Variants in ZNF800 observed in about 807,000 individuals in gnomAD.
ZNF800 encodes the protein zinc finger protein 800.
In ZNF800, 13 loss-of-function variants were observed where a neutral mutation model predicts 59.5. The ratio of observed to expected loss-of-function variants is 0.22; its 90% CI spans 0.14 to 0.35. The LOEUF is 0.35. ZNF800 is among the 10% of genes least tolerant of loss of function. ZNF800 has a pLI of 1.00. For missense variants in ZNF800, 621 were observed against 783.7 expected (o/e 0.79, Z 2.48); for synonymous variants, 266 against 265.7 (o/e 1.00, Z -0.01).
At chr7:127,382,666 G>T (rs935326064) in intron 3 of ZNF800, among the ~76,000 whole-genome samples, 1 of 151,894 alleles carries the variant, frequency 6.6e-6, no homozygotes, top group African/African-American at 2.4e-5. Context: ...AAACCTGCAG[G>T]CTTCTTAAAA....
Position 127,370,629 on chromosome 7 carries a change from T to C in ZNF800, c.*1185A>G, listed in dbSNP as rs935211518. ...TCCTAAGTACAGGTGTGAACCTATA[T>C]AAAAACATGGTATATTTTCTGCTGT... On this transcript the variant is annotated 3_prime_UTR_variant, in exon 6 of 6. Transcript: ENST00000265827. 5.9e-5 allele frequency: 9 copies of C among 152,546 alleles called. No homozygotes were observed. The highest frequency in any genetic ancestry group is 2.2e-4 in the African/African-American group (9 of 41,450). The allele number at this position is 152,546 out of a possible 1,614,324, so 9.4% of individuals were successfully genotyped here.
chr7:127,389,120 T>C lies in ZNF800; in HGVS notation c.61+2377A>G, dbSNP rs75507893. Among the ~76,000 whole-genome samples, 975 of 152,166 alleles carry C rather than the reference T, an allele frequency of 6.4e-3. 13 individuals are homozygous for C. Among genetic ancestry groups the C allele is most frequent in the African/African-American group, 0.018 (742 of 41,508 alleles). On this transcript the variant is annotated intron_variant, in intron 2 of 5. Transcript: ENST00000265827. ...CAAGGCCCTTAAAAGATCACTCTATTTATGACGTATGGGACTTGCTTACAA... is the reference window on the plus strand; with the variant it reads ...CAAGGCCCTTAAAAGATCACTCTATCTATGACGTATGGGACTTGCTTACAA...
intron 1 of ZNF800, among the ~76,000 whole-genome samples, chr7:127,359,257 A>G (rs1047381013): frequency 6.6e-6 from 1 of 152,060 alleles, no homozygotes. Context: ...ACAGCCCCCA[A>G]ATCAACTACA....
intron 4 of ZNF800, among the ~76,000 whole-genome samples, chr7:127,375,299 T>C (rs1011369017): frequency 1.3e-5 from 2 of 152,124 alleles, no homozygotes; most frequent in Non-Finnish European, 2.9e-5. Context: ...ATGCCCTTAA[T>C]ATAAAATATA....
At chr7:127,347,463 T>G (rs1408731264) in exon 2 of ZNF800, 1 of 152,158 alleles carries the variant, frequency 6.6e-6, no homozygotes, top group African/African-American at 2.4e-5. Context: ...GAGCTAGTCT[T>G]TGAAGAACTA....
chr7:127,372,984 A>C (rs1485909670), intron 5 of ZNF800: 2 of 985,118 alleles, frequency 2.0e-6, no homozygotes, highest in Admixed American at 1.2e-4. Flanking sequence ...CACTGAATCA[A>C]ATTAAACCTG....
rs149622437 is a variant in ZNF800, at chr7:127,391,517, T to A, written c.41A>T (p.His14Leu). 3 of 1,614,162 alleles carry A rather than the reference T, an allele frequency of 1.9e-6. No homozygotes were observed. Among genetic ancestry groups the A allele is most frequent in the Non-Finnish European group, 2.5e-6 (3 of 1,180,022 alleles). ...TCTACCTGGTTCACAGCATCCGTGATGATGGTGGTCAGTCTGACAGTATTT... is the reference window on the plus strand; with the variant it reads ...TCTACCTGGTTCACAGCATCCGTGAAGATGGTGGTCAGTCTGACAGTATTT... ...RDKYCQTDHH[H>L]HGCCEPVYIL... is the part of the protein sequence containing the mutation. The change falls in exon 2 of 6, where the codon CAT becomes CTT. Residue 14 changes from histidine to leucine, a missense_variant. Physicochemically the swap from His to Leu is moderately conservative, Grantham distance 99. Coordinates refer to ENST00000265827, the MANE Select transcript of ZNF800 (RefSeq NM_176814.5).
At chr7:127,353,035 G>T (rs1438250117) in intron 1 of ZNF800, among the ~76,000 whole-genome samples, 1 of 152,060 alleles carries the variant, frequency 6.6e-6, no homozygotes, top group Non-Finnish European at 1.5e-5. Context: ...GGCCAAAGTG[G>T]TTTTTTCCCC....
chr7:127,349,756 G>C (rs1014473496), intron 1 of ZNF800: 1 of 152,190 alleles, frequency 6.6e-6, no homozygotes. Context: ...AAGGTTATAG[G>C]AGCTTTTAAT....
chr7:127,345,672 G>A (rs1388702051), downstream of ZNF800, among the ~76,000 whole-genome samples: 1 of 152,178 alleles, frequency 6.6e-6, no homozygotes. Context: ...GGGTCAGACT[G>A]TGCAAGGCTA....
At chr7:127,382,349 C>T (rs1562908684) in intron 3 of ZNF800, among the ~76,000 whole-genome samples, 1 of 152,038 alleles carries the variant, frequency 6.6e-6, no homozygotes, top group East Asian at 1.9e-4. Flanking sequence ...ATTTAATAAA[C>T]ACATAAAAGA....
intron 1 of ZNF800, among the ~76,000 whole-genome samples, chr7:127,356,460 A>G (rs1437022397): frequency 2.6e-5 from 4 of 152,098 alleles, no homozygotes; most frequent in Non-Finnish European, 4.4e-5. Context: ...ATTCTATTCT[A>G]CTTTTGATTT....
rs375014917 is a variant in ZNF800 at position 127,374,930 on chromosome 7, T to C, written c.406A>G (p.Ile136Val). ...KREYIIKLEP[I>V]ETNQNAVFQY... Reference sequence around the variant, plus strand: ...AATACTGCATTTTGATTAGTTTCTATGGGTTCTAGCTTAATAATATATTCT... The same window carrying C: ...AATACTGCATTTTGATTAGTTTCTACGGGTTCTAGCTTAATAATATATTCT... Residue 136 changes from isoleucine (I) to valine (V), a missense_variant, in exon 5 of 6, where the codon ATA (isoleucine) becomes GTA (valine). Ile to Val is a conservative substitution (Grantham distance 29). Transcript: ENST00000265827. 8 of 1,613,766 alleles carry C rather than the reference T, an allele frequency of 5.0e-6. No homozygotes were observed. The highest frequency in any genetic ancestry group is 6.8e-6 in the Non-Finnish European group (8 of 1,179,882).
At chr7:127,373,130 A>G (rs1214339885) in intron 5 of ZNF800, 1 of 985,352 alleles carries the variant, frequency 1.0e-6, no homozygotes, top group African/African-American at 1.7e-5. Context: ...TGTGGAAGAT[A>G]AGTTCTGAAG....
chr7:127,358,550 T>C (rs1800322867), intron 1 of ZNF800, among the ~76,000 whole-genome samples: 1 of 152,148 alleles, frequency 6.6e-6, no homozygotes, highest in South Asian at 2.1e-4. Flanking sequence ...ATTTACTTGG[T>C]ACATAAAAGC....
At chr7:127,373,230 G>T (rs1176076044) in intron 5 of ZNF800, 112 bp downstream of exon 5, 20 of 1,492,098 alleles carry the variant, frequency 1.3e-5, no homozygotes, top group Non-Finnish European at 1.7e-5. Flanking sequence ...ATTGCCATGA[G>T]ATATATGGAA....
In ZNF800 at chr7:127,383,440, T is replaced by C. The variant is rs558371821; in HGVS notation, c.157+2620A>G. Among the ~76,000 whole-genome samples, 6 of 152,332 alleles carry C rather than the reference T, an allele frequency of 3.9e-5. No homozygotes were observed. The East Asian group carries it at 9.6e-4, about 24-fold the overall frequency. ...TCAAAGATATATAGCACCACCAGGA[T>C]AGTTCTTTAAATGCAACGTGTGTGA... On this transcript the variant is annotated intron_variant, in intron 3 of 5. Transcript: ENST00000265827.
chr7:127,391,478 CG>C lies in ZNF800; in HGVS notation c.61+18del. ...GCTCTGATGGAGGGCAAAGCAACTG[CG>C]GACGAAGAGGGGTCTACCTGGTTCA... On this transcript the variant is annotated intron_variant, in intron 2 of 5. Coordinates refer to ENST00000265827, the MANE Select transcript of ZNF800 (RefSeq NM_176814.5). 1 of 1,613,722 alleles carries C rather than the reference CG, an allele frequency of 6.2e-7. No individual in the cohort carries two copies. Among genetic ancestry groups the C allele is most frequent in the African/African-American group, 1.3e-5 (1 of 74,988 alleles).
At chr7:127,364,876 G>A (rs1205495046) in intron 1 of ZNF800, 1 of 152,066 alleles carries the variant, frequency 6.6e-6, no homozygotes, top group Non-Finnish European at 1.5e-5. Context: ...AGCAAAGATG[G>A]GGTTGAAGGC....
Sources: gnomAD v4.1 joint callset for allele counts (sites outside exome capture counted in the v4.1 genomes callset) on GRCh38, gnomAD v4.1.1 for gene constraint, MANE v1.5 for transcripts, NCBI Gene and HGNC (gene_info 2026-07-23, HGNC 2026-07-21) for gene names.